GRAMD1B: variants seen among roughly 807,000 people sequenced by gnomAD.
The protein encoded by GRAMD1B is GRAM domain containing 1B, also known as protein Aster-B.
A neutral mutation model predicts 99.7 loss-of-function variants in GRAMD1B; 37 were observed. The ratio of observed to expected loss-of-function variants is 0.37; its 90% confidence interval spans 0.29 to 0.49. GRAMD1B has a LOEUF of 0.49. Among genes scored for constraint, GRAMD1B ranks in the 20% least tolerant of loss-of-function variants. GRAMD1B has a pLI of 0.98. For synonymous variants in GRAMD1B, 427 were observed against 387.6 expected (o/e 1.10, Z -1.19); for missense variants, 888 against 1,009.2 (o/e 0.88, Z 1.63).
rs1357561148 is a variant in GRAMD1B at position 123,466,452 on chromosome 11, GAAAGAAAGAAAGAAAGA to G, written c.375-14343_375-14327del. Reference sequence around the variant, plus strand: ...AAAGAAAGGAAGAAAGAAAGAAAGAGAAAGAAAGAAAGAAAGAAAAGAAAGAAAGAAAGAAAAAGAAA... The same window carrying G: ...AAAGAAAGGAAGAAAGAAAGAAAGAGAAAGAAAGAAAGAAAGAAAAAGAAA... On this transcript the variant is annotated intron_variant, in intron 1 of 19. Transcript: ENST00000635736. Among the ~76,000 whole-genome samples, 88 of 128,586 alleles carry G rather than the reference GAAAGAAAGAAAGAAAGA, an allele frequency of 6.8e-4. 1 individual carries two copies. Among genetic ancestry groups the G allele is most frequent in the African/African-American group, 2.4e-3 (74 of 30,298 alleles). The allele number at this position is 128,586 out of a possible 152,430, so 84.4% of individuals were successfully genotyped here. A position where few individuals can be genotyped will look rare whatever the true frequency, so the allele number is the denominator to read the frequency against.
intron 8 of GRAMD1B, among the ~76,000 whole-genome samples, chr11:123,602,721 G>A (rs759771022): frequency 6.6e-6 from 1 of 151,914 alleles, no homozygotes; most frequent in Non-Finnish European, 1.5e-5. Flanking sequence ...TTAGAACAGT[G>A]TTTTTTTGGG....
intron 1 of GRAMD1B, among the ~76,000 whole-genome samples, chr11:123,434,498 G>A (rs1464546433): frequency 6.6e-6 from 1 of 152,092 alleles, no homozygotes; most frequent in Non-Finnish European, 1.5e-5. Flanking sequence ...GGCCTGAGAA[G>A]GAATTGGTGG....
rs765573721 is a variant in GRAMD1B, at chr11:123,627,092, G to A, written c.*4497G>A. ...GGACTGGAGTCTTGGCAGCTGATGA[G>A]CAGCACCTTGCCGGCCAGGAGGAGC... On this transcript the variant is annotated 3_prime_UTR_variant, in exon 20 of 20. Transcript: ENST00000635736. 1.3e-5 allele frequency: 2 copies of A among 152,256 alleles called. No individual in the cohort carries two copies. The highest frequency in any genetic ancestry group is 2.9e-5 in the Non-Finnish European group (2 of 68,088). 9.4% of individuals were successfully genotyped at this position (152,256 alleles called of 1,614,324 possible). A position where few individuals can be genotyped will look rare whatever the true frequency, so the allele number is the denominator to read the frequency against.
At position 123,492,869 on chromosome 11, in the gene GRAMD1B, C is replaced by CACACACACAT. The variant is rs1390618856; in HGVS notation, c.452+11985_452+11986insTACACACACA. On this transcript the variant is annotated intron_variant, in intron 2 of 19. Coordinates refer to ENST00000635736, the MANE Select transcript of GRAMD1B (RefSeq NM_001387025.1). The surrounding 1 kb of genome is among the most constrained non-coding windows in gnomAD (Gnocchi z 4.2). ...TCTGTCTCTCTCTTTCACACATACACACACACACACACACACACACACACA... is the reference window on the plus strand; with the variant it reads ...TCTGTCTCTCTCTTTCACACATACACACACACACATACACACACACACACACACACACACA... Among the ~76,000 whole-genome samples, 17 of 149,998 alleles carry CACACACACAT rather than the reference C, an allele frequency of 1.1e-4. No individual in the cohort carries two copies. The highest frequency in any genetic ancestry group is 3.7e-4 in the African/African-American group (15 of 40,596).
chr11:123,404,346 C>T (rs1947780687), intron 1 of GRAMD1B, among the ~76,000 whole-genome samples: 1 of 152,160 alleles, frequency 6.6e-6, no homozygotes, highest in Admixed American at 6.5e-5. Context: ...AAAGAGGTAC[C>T]TCTCTTCAGC....
intron 2 of GRAMD1B, among the ~76,000 whole-genome samples, chr11:123,495,986 T>C (rs369772436): frequency 6.6e-6 from 1 of 152,222 alleles, no homozygotes; most frequent in East Asian, 1.9e-4. Context: ...AAGATAAGAG[T>C]ACATTATACA....
chr11:123,428,845 C>G (rs59291026), upstream of GRAMD1B, among the ~76,000 whole-genome samples: 2,703 of 152,220 alleles, frequency 0.018, 60 homozygotes, highest in African/African-American at 0.053. Context: ...AAGGGTGGAT[C>G]AGATTGTGGA....
intron 6 of GRAMD1B, among the ~76,000 whole-genome samples, chr11:123,595,141 G>C (rs1209450223): frequency 2.0e-5 from 3 of 152,146 alleles, no homozygotes; most frequent in African/African-American, 7.2e-5. Flanking sequence ...CAAGTAGAAA[G>C]GGCTTTGGCC....
At chr11:123,571,221 G>A (rs1948038468) in intron 2 of GRAMD1B, among the ~76,000 whole-genome samples, 3 of 152,218 alleles carry the variant, frequency 2.0e-5, no homozygotes, top group Admixed American at 6.5e-5. Context: ...AAAAATGCAC[G>A]GGTAGCTGAT....
Position 123,627,479 on chromosome 11 carries a change from G to A in GRAMD1B, c.*4884G>A, listed in dbSNP as rs570147678. ...GAGGGATGGGTCAGAGGCCATAGTGGCCCCTGGATAATCCTGACGTGGGGT... is the reference window on the plus strand; with the variant it reads ...GAGGGATGGGTCAGAGGCCATAGTGACCCCTGGATAATCCTGACGTGGGGT... On this transcript the variant is annotated 3_prime_UTR_variant, in exon 20 of 20. Coordinates refer to ENST00000635736, the MANE Select transcript of GRAMD1B (RefSeq NM_001387025.1). The A allele has an allele frequency of 4.6e-5, 7 of 152,464 alleles. No homozygotes were observed. The highest frequency in any genetic ancestry group is 3.3e-4 in the Admixed American group (5 of 15,306). 9.4% of individuals were successfully genotyped at this position (152,464 alleles called of 1,614,324 possible).
At chr11:123,394,246 T>A (rs1947379352) in intron 1 of GRAMD1B, among the ~76,000 whole-genome samples, 1 of 152,200 alleles carries the variant, frequency 6.6e-6, no homozygotes, top group Non-Finnish European at 1.5e-5. Context: ...ATTCTGTCCA[T>A]TTTTTTATAT....
upstream of GRAMD1B, among the ~76,000 whole-genome samples, chr11:123,428,354 C>A (rs1217526350): frequency 6.6e-6 from 1 of 152,208 alleles, no homozygotes; most frequent in Non-Finnish European, 1.5e-5. Context: ...CTTGGCAGGC[C>A]TGACACCTGA....
intron 1 of GRAMD1B, among the ~76,000 whole-genome samples, chr11:123,382,159 T>A (rs1946899710): frequency 6.6e-6 from 1 of 152,244 alleles, no homozygotes; most frequent in African/African-American, 2.4e-5. Flanking sequence ...GCAGCAGTTC[T>A]GAGGATACTG....
At chr11:123,477,147 C>G (rs1040176158) in intron 1 of GRAMD1B, among the ~76,000 whole-genome samples, 3 of 151,972 alleles carry the variant, frequency 2.0e-5, no homozygotes, top group East Asian at 3.9e-4. Flanking sequence ...ATTTCTTTCT[C>G]TTTCTTTCTT....
chr11:123,361,236 T>A (rs766087808), intron 1 of GRAMD1B, among the ~76,000 whole-genome samples: 3 of 152,206 alleles, frequency 2.0e-5, no homozygotes, highest in Non-Finnish European at 4.4e-5. Flanking sequence ...GCCCTCTCAA[T>A]ACACACATCT....
At chr11:123,386,391 C>G (rs1947058103) in intron 1 of GRAMD1B, among the ~76,000 whole-genome samples, 1 of 151,662 alleles carries the variant, frequency 6.6e-6, no homozygotes, top group African/African-American at 2.4e-5. Context: ...TCTCTTCCAT[C>G]CCCGGATTCT....
intron 1 of GRAMD1B, among the ~76,000 whole-genome samples, chr11:123,452,025 G>T (rs1174084936): frequency 1.3e-5 from 2 of 151,914 alleles, no homozygotes; most frequent in Non-Finnish European, 2.9e-5. Flanking sequence ...ATAGAGACAG[G>T]GTCTCACTAT....
chr11:123,603,989 A>G (rs1952356474), intron 9 of GRAMD1B, among the ~76,000 whole-genome samples: 1 of 152,214 alleles, frequency 6.6e-6, no homozygotes, highest in South Asian at 2.1e-4. Flanking sequence ...ATGGAACAGA[A>G]AGGAACCAAA....
intron 2 of GRAMD1B, among the ~76,000 whole-genome samples, chr11:123,530,654 T>TACAG (rs1243941791): frequency 6.6e-6 from 1 of 152,244 alleles, no homozygotes; most frequent in Non-Finnish European, 1.5e-5. Context: ...GTGCTGGGAT[T>TACAG]ACAGGCATGA....
Sources: gnomAD v4.1 joint callset for allele counts (sites outside exome capture counted in the v4.1 genomes callset) on GRCh38, gnomAD v4.1.1 for gene constraint, Gnocchi (gnomAD v3.1) non-coding constraint, MANE v1.5 for transcripts, NCBI Gene and HGNC (gene_info 2026-07-23, HGNC 2026-07-21) for gene names.